The following SPDYE21 variants were observed in gnomAD, a reference collection of about 807,000 sequenced individuals.
SPDYE21 encodes the protein speedy protein E21.
SPDYE21 carries 14 observed loss-of-function variants against 36.2 expected under a neutral mutation model. The ratio of observed to expected loss-of-function variants is 0.39; its 90% CI spans 0.26 to 0.61. The LOEUF (loss-of-function observed/expected upper bound fraction) is 0.61. SPDYE21 is among the 20% of genes least tolerant of loss of function. The pLI is 0.55. For synonymous variants in SPDYE21, 58 were observed against 155.1 expected, an observed-to-expected ratio of 0.37 and a Z score of 4.65; for missense variants, 233 against 424.6, an observed-to-expected ratio of 0.55 and a Z score of 3.97.
rs201093328 is a variant in SPDYE21 at position 67,286,610 on chromosome 7, C to G, written c.1200C>G (p.His400Gln). The change falls in exon 8 of 9, where the codon CAC becomes CAG. Residue 400 changes from histidine to glutamine, a missense_variant. By Grantham distance (24) the His-to-Gln change is conservative. This residue lies in a region of SPDYE21 where 139 missense variants were observed against 175.8 expected (regional missense o/e 0.79). Coordinates refer to ENST00000424157, the MANE Select transcript of SPDYE21 (RefSeq NM_001382715.2). Reference sequence around the variant, plus strand: ...GGGTGTGGGCACGAGATCGCGCTCACCTTTCCTAGAGCTCCAGGGACCGTG... The same window carrying G: ...GGGTGTGGGCACGAGATCGCGCTCAGCTTTCCTAGAGCTCCAGGGACCGTG... ...EHWVWARDRA[H>Q]LS Among the ~76,000 whole-genome samples, 2 of 152,010 alleles carry G rather than the reference C, an allele frequency of 1.3e-5. No homozygotes were observed. Among genetic ancestry groups the G allele is most frequent in the African/African-American group, 2.4e-5 (1 of 41,366 alleles).
intron 6 of SPDYE21, among the ~76,000 whole-genome samples, chr7:67,284,411 T>C (rs1267176916): frequency 3.8e-3 from 469 of 124,022 alleles, no homozygotes; most frequent in Middle Eastern, 0.016. Flanking sequence ...GTCGAGCCAC[T>C]GCACTCCAGC....
At chr7:67,277,320 A>C (rs959746387) in intron 1 of SPDYE21, among the ~76,000 whole-genome samples, 2 of 151,552 alleles carry the variant, frequency 1.3e-5, no homozygotes, top group Non-Finnish European at 3.0e-5. Flanking sequence ...TGGCCTCCCA[A>C]AGTGCTGGGA....
chr7:67,279,183 C>A (rs182314663), intron 2 of SPDYE21, among the ~76,000 whole-genome samples: 14,319 of 113,522 alleles, frequency 0.13, 797 homozygotes, highest in East Asian at 0.36. Flanking sequence ...ACTGCACTCC[C>A]AAAAAAAAAA....
At chr7:67,279,696 G>A (rs1338124225) in intron 2 of SPDYE21, 122 bp from the exon 3 acceptor site, 1 of 1,591,738 alleles carries the variant, frequency 6.3e-7, no homozygotes, top group African/African-American at 1.3e-5. Flanking sequence ...TCAGACAGAT[G>A]GCTTAGAGAA....
At chr7:67,284,498 C>CAAA (rs1440357247) in intron 6 of SPDYE21, among the ~76,000 whole-genome samples, 1 of 125,970 alleles carries the variant, frequency 7.9e-6, no homozygotes, top group Non-Finnish European at 1.7e-5. Flanking sequence ...TGCCAGTGTA[C>CAAA]AAATAAAAGA....
chr7:67,282,009 T>C (rs540540659), intron 4 of SPDYE21, among the ~76,000 whole-genome samples: 2 of 152,102 alleles, frequency 1.3e-5, no homozygotes, highest in Admixed American at 6.6e-5. Flanking sequence ...AGCTCATGCA[T>C]GTAATCCCAG....
At chr7:67,282,859 G>A (rs1430802030) in intron 5 of SPDYE21, among the ~76,000 whole-genome samples, 166 bp downstream of exon 5, 1 of 141,504 alleles carries the variant, frequency 7.1e-6, no homozygotes, top group Non-Finnish European at 1.5e-5. Flanking sequence ...CAGGCTGGAG[G>A]GCAGTGTCTC....
At chr7:67,284,214 C>T (rs1437004843) in intron 6 of SPDYE21, among the ~76,000 whole-genome samples, 3 of 148,740 alleles carry the variant, frequency 2.0e-5, no homozygotes, top group East Asian at 2.1e-4. Context: ...TTTGGGAGGC[C>T]GAGGCAGGCA....
Position 67,279,917 on chromosome 7 carries a change from C to T in SPDYE21, c.260C>T (p.Ala87Val). ...GAGGAGGAGCCGGAGAAGGAGCTCG[C>T]CCCTGAGCCTGAGGAGACCTGGGTA... Reference protein sequence around the residue: ...ESEEEPEKELAPEPEETWVVE... With the variant: ...ESEEEPEKELVPEPEETWVVE... The change falls in exon 3 of 9, where the codon GCC (alanine) becomes GTC (valine). Residue 87 changes from alanine to valine, a missense_variant. Transcript: ENST00000424157. The T allele has an allele frequency of 6.3e-7, 1 of 1,590,528 alleles. No individual in the cohort carries two copies. The highest frequency in any genetic ancestry group is 8.5e-7 in the Non-Finnish European group (1 of 1,177,684).
intron 5 of SPDYE21, among the ~76,000 whole-genome samples, chr7:67,283,640 A>C (rs185563707): frequency 6.6e-6 from 1 of 152,112 alleles, no homozygotes; most frequent in Admixed American, 6.5e-5. Flanking sequence ...GACCCTCCTG[A>C]CACCAGCCGA....
chr7:67,279,606 T>C (rs1292728728), intron 2 of SPDYE21, among the ~76,000 whole-genome samples: 3 of 151,892 alleles, frequency 2.0e-5, no homozygotes, highest in Non-Finnish European at 2.9e-5. Context: ...GGGAAGGACA[T>C]GAAGCAGTGT....
chr7:67,286,100 A>C lies in SPDYE21; in HGVS notation c.812A>C (p.His271Pro). Reference protein sequence around the residue: ...DDEDSKQNIFHFLYGKTRSRI... With the variant: ...DDEDSKQNIFPFLYGKTRSRI... ...GAGGACTCCAAACAAAACATCTTCC[A>C]CTTCCTGTATGGGAAGACCCGCTCT... The change falls in exon 7 of 9, where the codon CAC (histidine) becomes CCC (proline). Residue 271 changes from histidine to proline, a missense_variant. This residue lies in a region of SPDYE21 where 139 missense variants were observed against 175.8 expected (regional missense o/e 0.79). Transcript: ENST00000424157. The C allele has an allele frequency of 6.2e-7, 1 of 1,613,908 alleles. No individual in the cohort carries two copies. Among genetic ancestry groups the C allele is most frequent in the South Asian group, 1.1e-5 (1 of 91,056 alleles).
At position 67,278,777 on chromosome 7, in the gene SPDYE21, C is replaced by T. The variant is rs1043832929; in HGVS notation, c.64C>T (p.Arg22Cys). Among the ~76,000 whole-genome samples, 5 of 151,912 alleles carry T rather than the reference C, an allele frequency of 3.3e-5. No homozygotes were observed. Among genetic ancestry groups the T allele is most frequent in the Non-Finnish European group, 2.9e-5 (2 of 68,012 alleles). ...GATTACGGGAAAGATCACGACCAGC[C>T]GTCAACTGCACCCCCAGAATGAGCA... is the stretch of plus-strand genomic sequence containing the variant. ...GQITGKITTS[R>C]QLHPQNEQSP... The change falls in exon 2 of 9, where the codon CGT becomes TGT. Residue 22 changes from arginine to cysteine, a missense_variant. Arg to Cys is a radical substitution (Grantham distance 180). Coordinates refer to ENST00000424157, the MANE Select transcript of SPDYE21 (RefSeq NM_001382715.2).
intron 3 of SPDYE21, among the ~76,000 whole-genome samples, chr7:67,281,073 C>T (rs1212796392): frequency 2.0e-5 from 2 of 101,498 alleles, no homozygotes; most frequent in African/African-American, 7.4e-5. Context: ...CAAAGCAAGA[C>T]TGTTTCGCAA....
intron 1 of SPDYE21, among the ~76,000 whole-genome samples, chr7:67,277,566 A>T (rs1348551801): frequency 6.6e-6 from 1 of 151,994 alleles, no homozygotes; most frequent in Non-Finnish European, 1.5e-5. Flanking sequence ...CACAGGTGCC[A>T]GCCACCACAC....
intron 8 of SPDYE21, among the ~76,000 whole-genome samples, 165 bp from the exon 9 acceptor site, chr7:67,287,353 C>T (rs927017826): frequency 1.3e-5 from 2 of 152,148 alleles, no homozygotes; most frequent in Non-Finnish European, 2.9e-5. Context: ...ATGTGAGTTT[C>T]ACAGTTGAAC....
At chr7:67,280,197 C>T (rs1476533173) in intron 3 of SPDYE21, among the ~76,000 whole-genome samples, 161 bp downstream of exon 3, 11 of 152,148 alleles carry the variant, frequency 7.2e-5, no homozygotes, top group Non-Finnish European at 1.6e-4. Context: ...ACTTAGGAGA[C>T]GATAGAGGAC....
At chr7:67,280,815 G>A (rs1802619861) in intron 3 of SPDYE21, among the ~76,000 whole-genome samples, 1 of 144,680 alleles carries the variant, frequency 6.9e-6, no homozygotes, top group Non-Finnish European at 1.5e-5. Context: ...GGGTGCAGTG[G>A]CTCACACCTG....
rs1554402999 is a variant in SPDYE21, at chr7:67,287,666, G to GC, written c.*194_*195insC. Reference sequence around the variant, plus strand: ...TGATGGAGCTGAATACAGTGATCACGTGTCCTCCTGGGAGCAGGGGTTGGG... The same window carrying GC: ...TGATGGAGCTGAATACAGTGATCACGCTGTCCTCCTGGGAGCAGGGGTTGGG... On this transcript the variant is annotated 3_prime_UTR_variant, in exon 9 of 9. Transcript: ENST00000424157. Among the ~76,000 whole-genome samples the GC allele has an allele frequency of 3.3e-5, 4 of 120,462 alleles. No individual in the cohort carries two copies. The highest frequency in any genetic ancestry group is 1.3e-4 in the African/African-American group (4 of 31,812). 79.0% of individuals were successfully genotyped at this position (120,462 alleles called of 152,430 possible). A position where few individuals can be genotyped will look rare whatever the true frequency, so the allele number is the denominator to read the frequency against.
Sources: allele counts gnomAD v4.1 joint callset (sites outside exome capture counted in the v4.1 genomes callset), GRCh38; gene constraint gnomAD v4.1.1; regional missense constraint gnomAD v4.1.1; transcripts MANE v1.5; gene names NCBI Gene and HGNC (gene_info 2026-07-23, HGNC 2026-07-21).